ANKRD33B: variants seen among roughly 807,000 people sequenced by gnomAD.
The protein encoded by ANKRD33B is ankyrin repeat domain 33B.
In ANKRD33B, 6 loss-of-function variants were observed where a neutral mutation model predicts 21.5. That is an observed-to-expected ratio of 0.28 (90% CI 0.15 to 0.55). The LOEUF (loss-of-function observed/expected upper bound fraction) is 0.55. ANKRD33B is among the 20% of genes least tolerant of loss of function. The pLI is 0.94. For synonymous variants in ANKRD33B, 347 were observed against 342.4 expected, an observed-to-expected ratio of 1.01 and a Z score of -0.15; for missense variants, 698 against 747.2, an observed-to-expected ratio of 0.93 and a Z score of 0.77.
rs79951240 is a variant in ANKRD33B, at chr5:10,636,571, C to T, written c.497-1457C>T. ...GGTCCACACTACAGTGAGCTATGAT[C>T]GTGCTCCTGCACTCCAGTGTGAGTG... On this transcript the variant is annotated intron_variant, in intron 2 of 3. Transcript: ENST00000296657. Among the ~76,000 whole-genome samples, 956 of 152,280 alleles carry T rather than the reference C, an allele frequency of 6.3e-3. 70 individuals carry two copies. In the East Asian group the frequency reaches 0.16, roughly 25 times the overall value.
intron 1 of ANKRD33B, among the ~76,000 whole-genome samples, chr5:10,604,106 C>A (rs1277651329): frequency 1.3e-5 from 2 of 150,506 alleles, no homozygotes. Flanking sequence ...GTTGGCCAGG[C>A]TGGTCTCAAA....
In ANKRD33B at chr5:10,632,988, A is replaced by G. The variant is rs138727099; in HGVS notation, c.497-5040A>G. ...TTTTTAGTAGAGATGGGGTTTCCCC[A>G]TGTTGGCCAGGCTGGTCTTGAACTC... On this transcript the variant is annotated intron_variant, in intron 2 of 3. Transcript: ENST00000296657. Among the ~76,000 whole-genome samples the G allele has an allele frequency of 7.4e-4, 112 of 151,174 alleles. No homozygotes were observed. In the East Asian group the frequency reaches 0.021, roughly 29 times the overall value.
chr5:10,568,254 A>G (rs181891232), intron 1 of ANKRD33B, among the ~76,000 whole-genome samples: 12 of 152,348 alleles, frequency 7.9e-5, no homozygotes, highest in South Asian at 2.1e-4. Flanking sequence ...CTTGCTTCCA[A>G]TGTCTTCTGG....
chr5:10,567,203 G>A (rs889251791), intron 1 of ANKRD33B, among the ~76,000 whole-genome samples: 77 of 152,188 alleles, frequency 5.1e-4, no homozygotes, highest in African/African-American at 1.8e-3. Context: ...CGAGGCAGGA[G>A]CCTCCATTCT....
At chr5:10,648,447 G>T (rs953472479) in intron 3 of ANKRD33B, among the ~76,000 whole-genome samples, 3 of 152,228 alleles carry the variant, frequency 2.0e-5, no homozygotes, top group African/African-American at 7.2e-5. Flanking sequence ...AAAGCTATAG[G>T]ATCTTATTTC....
intron 1 of ANKRD33B, among the ~76,000 whole-genome samples, chr5:10,571,399 G>C (rs535992140): frequency 6.6e-6 from 1 of 151,932 alleles, no homozygotes; most frequent in Non-Finnish European, 1.5e-5. Flanking sequence ...ATGGAGTTTC[G>C]CCATGTTGGC....
intron 2 of ANKRD33B, among the ~76,000 whole-genome samples, chr5:10,626,046 C>T (rs1736538245): frequency 1.3e-5 from 2 of 152,076 alleles, no homozygotes. Context: ...CGGCCTAGAA[C>T]CCGAGTGACA....
At chr5:10,613,114 C>A (rs1186688962) in intron 1 of ANKRD33B, among the ~76,000 whole-genome samples, 1 of 152,106 alleles carries the variant, frequency 6.6e-6, no homozygotes, top group Non-Finnish European at 1.5e-5. Flanking sequence ...TCTGGGGCTC[C>A]CTGGGCCTCT....
At chr5:10,638,286 A>C (rs1292957652) in intron 3 of ANKRD33B, 118 bp downstream of exon 3, 26 of 1,278,922 alleles carry the variant, frequency 2.0e-5, no homozygotes, top group Non-Finnish European at 2.6e-5. Context: ...TGCTGCAATA[A>C]ATAATAGTTT....
At chr5:10,571,877 C>A (rs1031077260) in intron 1 of ANKRD33B, among the ~76,000 whole-genome samples, 1 of 136,876 alleles carries the variant, frequency 7.3e-6, no homozygotes, top group Admixed American at 8.2e-5. Flanking sequence ...ATAAGGCATC[C>A]GTATTTTCTT....
rs1456160780 is a variant in ANKRD33B, at chr5:10,652,988, G to A, written c.*2875G>A. On this transcript the variant is annotated 3_prime_UTR_variant, in exon 4 of 4. Transcript: ENST00000296657. This position sits in a 1 kb window ranked among gnomAD's most constrained non-coding sequence, Gnocchi z 4.1. ...ACCTGGCCAGTGTTTGCAACTCGAG[G>A]GAAAATGACAGCTGCATGGGGGGAA... 1 of 179,202 alleles carries A rather than the reference G, an allele frequency of 5.6e-6. No homozygotes were observed. Among genetic ancestry groups the A allele is most frequent in the Non-Finnish European group, 1.2e-5 (1 of 80,876 alleles). 11.1% of individuals were successfully genotyped at this position (179,202 alleles called of 1,614,324 possible).
chr5:10,598,724 A>G (rs1220627877), intron 1 of ANKRD33B, among the ~76,000 whole-genome samples: 1 of 152,122 alleles, frequency 6.6e-6, no homozygotes, highest in Non-Finnish European at 1.5e-5. Flanking sequence ...TGCAGGCATT[A>G]GCTACTACAC....
At position 10,649,643 on chromosome 5, in the gene ANKRD33B, C is replaced by G; in HGVS notation, c.1015C>G (p.Arg339Gly). The G allele has an allele frequency of 6.5e-7, 1 of 1,530,854 alleles. No homozygotes were observed. The highest frequency in any genetic ancestry group is 8.7e-7 in the Non-Finnish European group (1 of 1,144,706). The allele number at this position is 1,530,854 out of a possible 1,614,324, so 94.8% of individuals were successfully genotyped here. The change falls in exon 4 of 4, where the codon CGG (arginine) becomes GGG (glycine). Residue 339 changes from arginine (R) to glycine (G), a missense_variant. Physicochemically the swap from Arg to Gly is moderately radical, Grantham distance 125 (BLOSUM62 -2). Around this residue, in one of 3 missense-constraint regions of ANKRD33B, gnomAD observed 543 missense variants for 566.5 expected, o/e 0.96. Transcript: ENST00000296657. Reference sequence around the variant, plus strand: ...GAGCCCTCCGAGCGTGGGGAAGAGGCGGCTGGCGGTGCAGGAGATCCTGGC... The same window carrying G: ...GAGCCCTCCGAGCGTGGGGAAGAGGGGGCTGGCGGTGCAGGAGATCCTGGC... ...PESPPSVGKRRLAVQEILAAR... is the reference protein window; with the variant it reads ...PESPPSVGKRGLAVQEILAAR...
chr5:10,574,857 GCT>G (rs1735282328), intron 1 of ANKRD33B, among the ~76,000 whole-genome samples: 1 of 55,202 alleles, frequency 1.8e-5, no homozygotes, highest in Non-Finnish European at 5.2e-5. Context: ...AAGCGGGAGA[GCT>G]GCTTAAGGCC....
chr5:10,580,140 C>T (rs1260299555), intron 1 of ANKRD33B, among the ~76,000 whole-genome samples: 1 of 152,176 alleles, frequency 6.6e-6, no homozygotes, highest in African/African-American at 2.4e-5. Context: ...ATCACTCCAC[C>T]ACCAGGAGTG....
rs1428522470 is a variant in ANKRD33B at position 10,649,569 on chromosome 5, G to A, written c.941G>A (p.Ser314Asn). The part of the protein sequence containing the change: ...VLDHMVRMTT[S>N]LYSPAVAIVC... ...GACCACATGGTCCGGATGACCACGA[G>A]CCTCTACAGCCCCGCCGTGGCCATC... The change falls in exon 4 of 4, where the codon AGC becomes AAC. Residue 314 changes from serine to asparagine, a missense_variant. Around this residue, in one of 3 missense-constraint regions of ANKRD33B, gnomAD observed 543 missense variants for 566.5 expected, o/e 0.96. Coordinates refer to ENST00000296657, the MANE Select transcript of ANKRD33B (RefSeq NM_001164440.2). 26 of 1,527,204 alleles carry A rather than the reference G, an allele frequency of 1.7e-5. No individual in the cohort carries two copies. The highest frequency in any genetic ancestry group is 2.3e-5 in the Non-Finnish European group (26 of 1,141,846). 94.6% of individuals were successfully genotyped at this position (1,527,204 alleles called of 1,614,324 possible).
chr5:10,596,598 A>G (rs1735821580), intron 1 of ANKRD33B, among the ~76,000 whole-genome samples: 1 of 152,196 alleles, frequency 6.6e-6, no homozygotes, highest in South Asian at 2.1e-4. Flanking sequence ...CATGGGGAGA[A>G]TGGAACCAAT....
intron 2 of ANKRD33B, chr5:10,625,107 TGAG>T (rs1201678442): frequency 2.1e-5 from 5 of 239,466 alleles, no homozygotes; most frequent in Non-Finnish European, 1.7e-5. Flanking sequence ...AAAGTGAAAA[TGAG>T]GAAGGCAGGT....
rs1185570262 is a variant in ANKRD33B, at chr5:10,619,369, C to T, written c.496+907C>T. 9.1e-6 allele frequency: 9 copies of T among 985,300 alleles called. No individual in the cohort carries two copies. The highest frequency in any genetic ancestry group is 9.4e-5 in the South Asian group (2 of 21,298). The allele number at this position is 985,300 out of a possible 1,614,324, so 61.0% of individuals were successfully genotyped here. On this transcript the variant is annotated intron_variant, in intron 2 of 3. Coordinates refer to ENST00000296657, the MANE Select transcript of ANKRD33B (RefSeq NM_001164440.2). The surrounding 1 kb of genome is among the most constrained non-coding windows in gnomAD (Gnocchi z 4.5). ...GCCTGGAAACTGGAGGAAGTGCCCC[C>T]GACCACACTGTATGTTGATTCTGGT...
Sources: allele counts gnomAD v4.1 joint callset (sites outside exome capture counted in the v4.1 genomes callset), GRCh38; gene constraint gnomAD v4.1.1; regional missense constraint gnomAD v4.1.1; non-coding constraint Gnocchi (gnomAD v3.1); transcripts MANE v1.5; gene names NCBI Gene and HGNC (gene_info 2026-07-23, HGNC 2026-07-21).